Variants in TGFB2 observed in about 807,000 individuals in gnomAD.
The protein encoded by TGFB2 is transforming growth factor beta-2 proprotein.
TGFB2 carries 13 observed loss-of-function variants against 42.7 expected under a neutral mutation model. That is an observed-to-expected ratio of 0.30 (90% CI 0.20 to 0.48). The LOEUF is 0.48. Among genes scored for constraint, TGFB2 ranks in the 20% least tolerant of loss-of-function variants. The probability of loss-of-function intolerance (pLI) is 0.99; values close to 1 mark genes in which losing one functional copy is unlikely to be tolerated. For synonymous variants in TGFB2, 193 were observed against 193.6 expected (o/e 1.00, Z 0.03); for missense variants, 390 against 517.5 (o/e 0.75, Z 2.39).
chr1:218,369,758 G>A (rs1311483759), intron 1 of TGFB2, among the ~76,000 whole-genome samples: 1 of 152,172 alleles, frequency 6.6e-6, no homozygotes, highest in Non-Finnish European at 1.5e-5. Context: ...GCCTTTTCCG[G>A]TGTGAAATAG....
intron 1 of TGFB2, among the ~76,000 whole-genome samples, chr1:218,362,825 C>T (rs1657259102): frequency 6.6e-6 from 1 of 152,250 alleles, no homozygotes; most frequent in South Asian, 2.1e-4. Flanking sequence ...GTAAGTAGCC[C>T]CAAACCAATA....
rs930191140 is a variant in TGFB2, at chr1:218,444,547, A to G, written c.*3185A>G. ...TCCAATTTTTTTGGCTGCTACCTAC[A>G]AGACCAGACTCCTCAAACGAGTTGC... On this transcript the variant is annotated 3_prime_UTR_variant, in exon 7 of 7. Coordinates refer to ENST00000366930, the MANE Select transcript of TGFB2 (RefSeq NM_003238.6). The G allele has an allele frequency of 6.6e-6, 1 of 152,162 alleles. No homozygotes were observed. The highest frequency in any genetic ancestry group is 1.5e-5 in the Non-Finnish European group (1 of 68,032). The allele number at this position is 152,162 out of a possible 1,614,324, so 9.4% of individuals were successfully genotyped here.
At chr1:218,402,706 C>T (rs868191215) in intron 1 of TGFB2, among the ~76,000 whole-genome samples, 3 of 152,080 alleles carry the variant, frequency 2.0e-5, no homozygotes, top group African/African-American at 2.4e-5. Context: ...CTGAAAGAGG[C>T]GGGGAAAATT....
intron 1 of TGFB2, among the ~76,000 whole-genome samples, chr1:218,401,676 T>G (rs902527576): frequency 6.6e-6 from 1 of 152,124 alleles, no homozygotes; most frequent in Non-Finnish European, 1.5e-5. Flanking sequence ...CAGAGGACTT[T>G]AGCGAGAACT....
At chr1:218,349,366 A>G (rs1317087249) in intron 1 of TGFB2, among the ~76,000 whole-genome samples, 1 of 152,246 alleles carries the variant, frequency 6.6e-6, no homozygotes, top group African/African-American at 2.4e-5. Context: ...GAAAAAAACC[A>G]TATTTTTAAA....
chr1:218,387,910 C>T (rs1347180638), intron 1 of TGFB2, among the ~76,000 whole-genome samples: 1 of 152,184 alleles, frequency 6.6e-6, no homozygotes, highest in Non-Finnish European at 1.5e-5. Context: ...AAAGGGTTCA[C>T]CATGCCATGA....
At position 218,363,208 on chromosome 1, in the gene TGFB2, C is replaced by T. The variant is rs894165260; in HGVS notation, c.346+16161C>T. On this transcript the variant is annotated intron_variant, in intron 1 of 6. Transcript: ENST00000366930. ...ATCCCCTGGCCCCAGGTAGCAGGGA[C>T]CTTATTTCTGGGGAAATGATAAGAA... 22 of 794,558 alleles carry T rather than the reference C, an allele frequency of 2.8e-5. No individual in the cohort carries two copies. In the African/African-American group the frequency reaches 3.2e-4, roughly 12 times the overall value. The allele number at this position is 794,558 out of a possible 1,614,324, so 49.2% of individuals were successfully genotyped here. A position where few individuals can be genotyped will look rare whatever the true frequency, so the allele number is the denominator to read the frequency against.
chr1:218,354,874 A>C (rs2102536520), intron 1 of TGFB2, among the ~76,000 whole-genome samples: 1 of 152,284 alleles, frequency 6.6e-6, no homozygotes, highest in Non-Finnish European at 1.5e-5. Context: ...ATTGATACAA[A>C]AAGTGTGATT....
At chr1:218,433,998 A>G (rs577867310) in intron 2 of TGFB2, 84 bp from the exon 3 acceptor site, 1 of 1,556,316 alleles carries the variant, frequency 6.4e-7, no homozygotes, top group African/African-American at 1.4e-5. Context: ...TAGGTAATGA[A>G]TTAGAACACT....
intron 1 of TGFB2, among the ~76,000 whole-genome samples, chr1:218,401,468 A>G (rs1658717644): frequency 6.6e-6 from 1 of 152,196 alleles, no homozygotes; most frequent in Admixed American, 6.5e-5. Flanking sequence ...CCCATGAGAA[A>G]GCCTGGGAGG....
chr1:218,371,709 A>G (rs1191713251), intron 1 of TGFB2, among the ~76,000 whole-genome samples: 1 of 152,192 alleles, frequency 6.6e-6, no homozygotes, highest in Non-Finnish European at 1.5e-5. Context: ...GCAGTGTCTG[A>G]TAGATGTTGT....
intron 2 of TGFB2, among the ~76,000 whole-genome samples, chr1:218,433,491 A>C: frequency 6.6e-6 from 1 of 152,238 alleles, no homozygotes; most frequent in East Asian, 1.9e-4. Flanking sequence ...GAATACCTTT[A>C]TAAATCATAA....
chr1:218,422,851 C>A (rs536613333), intron 2 of TGFB2, among the ~76,000 whole-genome samples: 1 of 151,988 alleles, frequency 6.6e-6, no homozygotes, highest in Non-Finnish European at 1.5e-5. Context: ...TTGAACTAAA[C>A]TGGAGGAAGT....
chr1:218,368,795 G>T (rs1571841967), intron 1 of TGFB2, among the ~76,000 whole-genome samples: 1 of 152,178 alleles, frequency 6.6e-6, no homozygotes, highest in African/African-American at 2.4e-5. Flanking sequence ...AGCTGGTTCT[G>T]TTGTGACATG....
intron 1 of TGFB2, among the ~76,000 whole-genome samples, chr1:218,390,557 G>A (rs538888935): frequency 6.6e-6 from 1 of 152,172 alleles, no homozygotes; most frequent in African/African-American, 2.4e-5. Flanking sequence ...CTAAACTATA[G>A]GGGCTTGCTC....
At chr1:218,384,100 A>G (rs1422924405) in intron 1 of TGFB2, among the ~76,000 whole-genome samples, 1 of 148,340 alleles carries the variant, frequency 6.7e-6, no homozygotes. Flanking sequence ...CTCCTCTTCT[A>G]GAACATCTTG....
At chr1:218,394,422 A>G (rs905679005) in intron 1 of TGFB2, among the ~76,000 whole-genome samples, 8 of 152,190 alleles carry the variant, frequency 5.3e-5, no homozygotes, top group Non-Finnish European at 1.2e-4. Flanking sequence ...CCCATGTCTG[A>G]CACAGTTCAA....
chr1:218,430,102 T>A (rs1359078183), intron 2 of TGFB2, among the ~76,000 whole-genome samples: 1 of 152,078 alleles, frequency 6.6e-6, no homozygotes, highest in Non-Finnish European at 1.5e-5. Context: ...AACTAAATTA[T>A]CTTTGTCATG....
chr1:218,365,241 T>C (rs1238485500), intron 1 of TGFB2, among the ~76,000 whole-genome samples: 1 of 151,400 alleles, frequency 6.6e-6, no homozygotes, highest in Non-Finnish European at 1.5e-5. Flanking sequence ...TTTTCCCCCC[T>C]TTTTTGGCTT....
Sources: allele counts gnomAD v4.1 joint callset (sites outside exome capture counted in the v4.1 genomes callset), GRCh38; gene constraint gnomAD v4.1.1; transcripts MANE v1.5; gene names NCBI Gene and HGNC (gene_info 2026-07-23, HGNC 2026-07-21).